ARMC6: variants seen among roughly 807,000 people sequenced by gnomAD.
ARMC6 encodes the protein armadillo repeat containing 6, also known as armadillo repeat-containing protein 6.
In ARMC6, 43 loss-of-function variants were observed where a neutral mutation model predicts 49.2. The ratio of observed to expected loss-of-function variants is 0.87; its 90% CI spans 0.69 to 1.13. The LOEUF is 1.13. Ranked by LOEUF, ARMC6 falls within the 50% of genes most tolerant of loss-of-function variation. The pLI, the probability that ARMC6 is intolerant of heterozygous loss-of-function variation, is 0.00. For missense variants in ARMC6, 627 were observed against 682.0 expected, an observed-to-expected ratio of 0.92 and a Z score of 0.90; for synonymous variants, 262 against 289.6, an observed-to-expected ratio of 0.90 and a Z score of 0.97.
intron 2 of ARMC6, among the ~76,000 whole-genome samples, chr19:19,041,205 C>T (rs895026556): frequency 5.9e-5 from 9 of 152,176 alleles, no homozygotes; most frequent in African/African-American, 1.7e-4. Context: ...CCTGTGCTGT[C>T]ATTTCTCCTA....
chr19:19,043,649 G>A (rs1276656327), intron 3 of ARMC6, among the ~76,000 whole-genome samples: 1 of 152,104 alleles, frequency 6.6e-6, no homozygotes, highest in Non-Finnish European at 1.5e-5. Context: ...AGGGATGGGA[G>A]CCCCAAGGGA....
At chr19:19,048,520 A>AG (rs1045201165) in intron 4 of ARMC6, among the ~76,000 whole-genome samples, 4 of 147,766 alleles carry the variant, frequency 2.7e-5, no homozygotes, top group Admixed American at 2.7e-4. Context: ...GAGACTCAGA[A>AG]AAAAAAAAAA....
chr19:19,041,204 T>C (rs2059409225), intron 2 of ARMC6, among the ~76,000 whole-genome samples: 1 of 152,216 alleles, frequency 6.6e-6, no homozygotes, highest in South Asian at 2.1e-4. Context: ...TCCTGTGCTG[T>C]CATTTCTCCT....
At chr19:19,035,237 C>G (rs961184363) in intron 2 of ARMC6, among the ~76,000 whole-genome samples, 1 of 152,064 alleles carries the variant, frequency 6.6e-6, no homozygotes, top group Non-Finnish European at 1.5e-5. Flanking sequence ...AACTCCTGAC[C>G]TCAAGTGATC....
At chr19:19,046,297 T>C (rs28582808) in intron 4 of ARMC6, among the ~76,000 whole-genome samples, 3,558 of 151,676 alleles carry the variant, frequency 0.023, 135 homozygotes, top group African/African-American at 0.082. Flanking sequence ...CCCAGGTTCA[T>C]GCCATTCTCC....
chr19:19,051,555 C>A, intron 4 of ARMC6, 67 bp from the exon 5 acceptor site: 1 of 1,424,932 alleles, frequency 7.0e-7, no homozygotes, highest in Non-Finnish European at 9.6e-7. Context: ...GGGGTCCAGA[C>A]ACTGTTGCTG....
At chr19:19,037,252 C>T (rs2145842547) in intron 2 of ARMC6, among the ~76,000 whole-genome samples, 1 of 152,220 alleles carries the variant, frequency 6.6e-6, no homozygotes, top group Middle Eastern at 3.4e-3. Context: ...GGCTGCGAGC[C>T]AGTCCTTCTC....
chr19:19,048,497 T>A lies in ARMC6; in HGVS notation c.280-3125T>A, dbSNP rs1229621490. Among the ~76,000 whole-genome samples, 3 of 150,596 alleles carry A rather than the reference T, an allele frequency of 2.0e-5. No individual in the cohort carries two copies. In the South Asian group the frequency reaches 6.3e-4, roughly 31 times the overall value. On this transcript the variant is annotated intron_variant, in intron 4 of 8. Transcript: ENST00000535612. Reference sequence around the variant, plus strand: ...GAGATCATGCCACTGTACTCCAGCCTGGGCAACAGAATGAGACTCAGAAAA... The same window carrying A: ...GAGATCATGCCACTGTACTCCAGCCAGGGCAACAGAATGAGACTCAGAAAA...
At chr19:19,040,123 G>A (rs557955367) in intron 2 of ARMC6, among the ~76,000 whole-genome samples, 1 of 152,322 alleles carries the variant, frequency 6.6e-6, no homozygotes, top group East Asian at 1.9e-4. Flanking sequence ...TGCCCTGAAT[G>A]CATGATCAGA....
intron 4 of ARMC6, among the ~76,000 whole-genome samples, 155 bp downstream of exon 4, chr19:19,044,229 C>G (rs2145856271): frequency 6.6e-6 from 1 of 152,354 alleles, no homozygotes; most frequent in East Asian, 1.9e-4. Context: ...CTCCCTGAGT[C>G]CATGTCCGAG....
At chr19:19,047,098 T>TA (rs779515369) in intron 4 of ARMC6, among the ~76,000 whole-genome samples, 3 of 151,766 alleles carry the variant, frequency 2.0e-5, no homozygotes, top group Non-Finnish European at 4.4e-5. Flanking sequence ...GGATTACAGG[T>TA]ACCTGCCACC....
At chr19:19,042,342 C>T (rs116323313) in intron 2 of ARMC6, among the ~76,000 whole-genome samples, 3,560 of 152,164 alleles carry the variant, frequency 0.023, 134 homozygotes, top group African/African-American at 0.081. Flanking sequence ...TCTGTGTTCT[C>T]TCCTACACTT....
At chr19:19,049,607 A>G (rs2059480073) in intron 4 of ARMC6, among the ~76,000 whole-genome samples, 1 of 152,250 alleles carries the variant, frequency 6.6e-6, no homozygotes, top group African/African-American at 2.4e-5. Flanking sequence ...TTGTGCAACC[A>G]TCATGACTAT....
chr19:19,052,212 G>A lies in ARMC6; in HGVS notation c.853+17G>A, dbSNP rs773307015. ...CCACCAAAGGTAAGAGCTGGGGGCC[G>A]ACACGAGCCAGCGAACAAAGTGGGC... On this transcript the variant is annotated intron_variant, in intron 5 of 8. Coordinates refer to ENST00000535612, the MANE Select transcript of ARMC6 (RefSeq NM_001199196.2). The A allele has an allele frequency of 1.9e-4, 298 of 1,564,704 alleles. No individual in the cohort carries two copies. Among genetic ancestry groups the A allele is most frequent in the Non-Finnish European group, 2.5e-4 (287 of 1,156,672 alleles).
chr19:19,045,201 C>T (rs150919799), intron 4 of ARMC6, among the ~76,000 whole-genome samples: 1,876 of 152,146 alleles, frequency 0.012, 20 homozygotes, highest in East Asian at 0.03. Context: ...GTAGTAGAGA[C>T]GAAGTTTCAC....
At chr19:19,047,132 A>G (rs1260455678) in intron 4 of ARMC6, among the ~76,000 whole-genome samples, 1 of 151,178 alleles carries the variant, frequency 6.6e-6, no homozygotes, top group Non-Finnish European at 1.5e-5. Flanking sequence ...TTTAAATTTT[A>G]TTTTTCATTA....
At chr19:19,048,296 A>G (rs2059467847) in intron 4 of ARMC6, among the ~76,000 whole-genome samples, 1 of 152,190 alleles carries the variant, frequency 6.6e-6, no homozygotes, top group African/African-American at 2.4e-5. Context: ...CAGTGAGCCA[A>G]GATTGCACCA....
intron 5 of ARMC6, among the ~76,000 whole-genome samples, chr19:19,053,703 C>T (rs2059518840): frequency 6.6e-6 from 1 of 152,124 alleles, no homozygotes; most frequent in South Asian, 2.1e-4. Context: ...TGCAGCGCCT[C>T]TGGGCTCCAT....
At position 19,055,296 on chromosome 19, in the gene ARMC6, G is replaced by A. The variant is rs1423513494; in HGVS notation, c.1055G>A (p.Arg352Gln). ...GTGAAGCAAGTGCTGAGCACCCTGCGAGCCATCGCAGGCAACGACGACGTG... is the reference window on the plus strand; with the variant it reads ...GTGAAGCAAGTGCTGAGCACCCTGCAAGCCATCGCAGGCAACGACGACGTG... The part of the protein sequence containing the change: ...ELVKQVLSTL[R>Q]AIAGNDDVKD... The change falls in exon 7 of 9, where the codon CGA becomes CAA. Residue 352 changes from arginine to glutamine, a missense_variant. Coordinates refer to ENST00000535612, the MANE Select transcript of ARMC6 (RefSeq NM_001199196.2). The surrounding 1 kb of genome is among the most constrained non-coding windows in gnomAD (Gnocchi z 5.7). The A allele has an allele frequency of 3.7e-6, 6 of 1,611,758 alleles. No homozygotes were observed. The highest frequency in any genetic ancestry group is 4.5e-5 in the East Asian group (2 of 44,794).
Sources: allele counts gnomAD v4.1 joint callset (sites outside exome capture counted in the v4.1 genomes callset), GRCh38; gene constraint gnomAD v4.1.1; non-coding constraint Gnocchi (gnomAD v3.1); transcripts MANE v1.5; gene names NCBI Gene and HGNC (gene_info 2026-07-23, HGNC 2026-07-21).